The following BTG4 variants were observed in gnomAD, a reference collection of about 807,000 sequenced individuals.
The protein encoded by BTG4 is BTG anti-proliferation factor 4.
Under a neutral mutation model 19.3 loss-of-function variants are expected in BTG4, and 10 were observed. That is an observed-to-expected ratio of 0.52 (90% CI 0.32 to 0.88). BTG4 has a LOEUF of 0.88. Ranked by LOEUF, BTG4 falls within the 40% of genes least tolerant of loss-of-function variation. BTG4 has a pLI of 0.04. For missense variants in BTG4, 238 were observed against 281.9 expected (o/e 0.84, Z 1.11); for synonymous variants, 91 against 95.7 (o/e 0.95, Z 0.29).
At chr11:111,508,747 A>G (rs146543168) in intron 1 of BTG4, among the ~76,000 whole-genome samples, 3,016 of 149,506 alleles carry the variant, frequency 0.02, 103 homozygotes, top group African/African-American at 0.068. Flanking sequence ...TTGATATTAA[A>G]TAATTATATA....
the BTG4 span, among the ~76,000 whole-genome samples, chr11:111,392,169 C>CTTTTTTTTTT: frequency 5.9e-5 from 5 of 85,448 alleles, no homozygotes; most frequent in Admixed American, 1.6e-4. Flanking sequence ...CTGTGATTTT[C>CTTTTTTTTTT]TTTTTTTTTT....
At chr11:111,508,480 C>A (rs1474649593) in intron 1 of BTG4, among the ~76,000 whole-genome samples, 3 of 151,846 alleles carry the variant, frequency 2.0e-5, no homozygotes, top group African/African-American at 7.3e-5. Flanking sequence ...TGGGAACACA[C>A]TCATTGCTCT....
At chr11:111,418,574 G>A in the BTG4 span, among the ~76,000 whole-genome samples, 1 of 152,180 alleles carries the variant, frequency 6.6e-6, no homozygotes, top group East Asian at 1.9e-4. Flanking sequence ...GATGCTGGGT[G>A]ACATGGAGAT....
the BTG4 span, among the ~76,000 whole-genome samples, chr11:111,452,120 A>G: frequency 3.9e-5 from 6 of 152,176 alleles, no homozygotes; most frequent in Non-Finnish European, 8.8e-5. Flanking sequence ...GTGTGCTGTT[A>G]GTGCCACACA....
At chr11:111,449,621 T>C in the BTG4 span, 1 of 152,348 alleles carries the variant, frequency 6.6e-6, no homozygotes, top group African/African-American at 2.4e-5. Flanking sequence ...GTCAGTACTT[T>C]GCACTCTCAG....
At chr11:111,397,741 G>A in the BTG4 span, 8 of 152,090 alleles carry the variant, frequency 5.3e-5, no homozygotes, top group African/African-American at 1.9e-4. Context: ...GTTCATTGAT[G>A]TATCCCAATA....
At chr11:111,407,440 G>A in the BTG4 span, among the ~76,000 whole-genome samples, 6 of 152,152 alleles carry the variant, frequency 3.9e-5, no homozygotes, top group African/African-American at 1.4e-4. Context: ...GGAGGCCAAG[G>A]CAGGTGGATC....
At chr11:111,508,258 C>G (rs1866603236) in intron 1 of BTG4, among the ~76,000 whole-genome samples, 2 of 152,156 alleles carry the variant, frequency 1.3e-5, no homozygotes, top group Admixed American at 6.5e-5. Flanking sequence ...TCAGTCTCCT[C>G]TGTCTCTCCC....
the BTG4 span, among the ~76,000 whole-genome samples, chr11:111,437,371 GA>G: frequency 6.6e-6 from 1 of 152,130 alleles, no homozygotes; most frequent in Non-Finnish European, 1.5e-5. Context: ...TACCACCCCT[GA>G]AAAACCCCAG....
rs111275495 is a variant in BTG4, at chr11:111,477,127, G to T, written c.663-9446C>A. On this transcript the variant is annotated intron_variant, in intron 5 of 5. Coordinates refer to the BTG4 transcript ENST00000356018. ...AGGACATGATCCTATTAATTTCCTGGCTGACTTCTTGGGCTCTGTGTCTTA... is the reference window on the plus strand; with the variant it reads ...AGGACATGATCCTATTAATTTCCTGTCTGACTTCTTGGGCTCTGTGTCTTA... Among the ~76,000 whole-genome samples, 854 of 152,182 alleles carry T rather than the reference G, an allele frequency of 5.6e-3. 4 individuals carry two copies. Among genetic ancestry groups the T allele is most frequent in the African/African-American group, 0.019 (804 of 41,508 alleles).
chr11:111,471,278 G>A (rs1021217372), intron 5 of BTG4, among the ~76,000 whole-genome samples: 1 of 152,162 alleles, frequency 6.6e-6, no homozygotes, highest in African/African-American at 2.4e-5. Context: ...ATCCTGCTAA[G>A]TAATTGTCCC....
At position 111,497,984 on chromosome 11, in the gene BTG4, A is replaced by G. The variant is rs1474741899; in HGVS notation, c.311+14T>C. On this transcript the variant is annotated intron_variant, in intron 3 of 4. Coordinates refer to ENST00000692032, the MANE Select transcript of BTG4 (RefSeq NM_001367975.1). ...CCAGGTATCACACAGCACACAAACT[A>G]TGAGATTACTCACCTACAGCATACT... 2.5e-6 allele frequency: 4 copies of G among 1,612,798 alleles called. No individual in the cohort carries two copies. The Admixed American group carries it at 5.0e-5, about 20-fold the overall frequency.
the BTG4 span, among the ~76,000 whole-genome samples, chr11:111,398,448 C>G: frequency 6.6e-6 from 1 of 152,008 alleles, no homozygotes; most frequent in Non-Finnish European, 1.5e-5. Flanking sequence ...TGAAAATTTG[C>G]ATTTCTTTTT....
At chr11:111,473,346 C>T (rs976519954) in intron 5 of BTG4, 1 of 152,592 alleles carries the variant, frequency 6.6e-6, no homozygotes, top group African/African-American at 2.4e-5. Flanking sequence ...CAGTATGGAA[C>T]ATTTCCTAAA....
the BTG4 span, among the ~76,000 whole-genome samples, chr11:111,387,464 C>T: frequency 7.9e-5 from 12 of 152,282 alleles, no homozygotes; most frequent in Non-Finnish European, 1.6e-4. Flanking sequence ...TTGCATCAAC[C>T]CAAGTGGCGC....
chr11:111,415,255 G>A, the BTG4 span, among the ~76,000 whole-genome samples: 11,663 of 152,144 alleles, frequency 0.077, 473 homozygotes, highest in Admixed American at 0.084. Context: ...CCAAAAGGAC[G>A]GAAACCTAAT....
chr11:111,494,900 C>A lies in BTG4; in HGVS notation c.*235G>T, dbSNP rs989025838. 3 of 984,576 alleles carry A rather than the reference C, an allele frequency of 3.0e-6. No individual in the cohort carries two copies. Among genetic ancestry groups the A allele is most frequent in the Non-Finnish European group, 3.6e-6 (3 of 829,356 alleles). The allele number at this position is 984,576 out of a possible 1,614,324, so 61.0% of individuals were successfully genotyped here. A position where few individuals can be genotyped will look rare whatever the true frequency, so the allele number is the denominator to read the frequency against. On this transcript the variant is annotated 3_prime_UTR_variant, in exon 5 of 5. Transcript: ENST00000692032. Reference sequence around the variant, plus strand: ...AGAGGTCAACATCTTCATTCTGTTACCTTACTGGGTACATTCACTGATGTT... The same window carrying A: ...AGAGGTCAACATCTTCATTCTGTTAACTTACTGGGTACATTCACTGATGTT...
At chr11:111,424,914 T>A in the BTG4 span, among the ~76,000 whole-genome samples, 1 of 152,160 alleles carries the variant, frequency 6.6e-6, no homozygotes, top group Non-Finnish European at 1.5e-5. Context: ...AGCCAGGCTG[T>A]ATTAGGTACT....
At chr11:111,436,340 G>A in the BTG4 span, among the ~76,000 whole-genome samples, 3 of 152,336 alleles carry the variant, frequency 2.0e-5, no homozygotes, top group East Asian at 5.8e-4. Context: ...CTTTTGGACA[G>A]GCACAGTGGC....
Sources: allele counts gnomAD v4.1 joint callset (sites outside exome capture counted in the v4.1 genomes callset), GRCh38; gene constraint gnomAD v4.1.1; transcripts MANE v1.5; gene names NCBI Gene and HGNC (gene_info 2026-07-23, HGNC 2026-07-21).